DHX33: variants seen among roughly 807,000 people sequenced by gnomAD.
DHX33 encodes ATP-dependent RNA helicase DHX33.
A neutral mutation model predicts 72.5 loss-of-function variants in DHX33; 42 were observed. The observed-to-expected ratio is 0.58, with a 90% CI of 0.45 to 0.75. The LOEUF is 0.75. Among genes scored for constraint, DHX33 ranks in the 30% least tolerant of loss-of-function variants. DHX33 has a pLI of 0.00. For missense variants in DHX33, 842 were observed against 917.5 expected, an observed-to-expected ratio of 0.92 and a Z score of 1.06; for synonymous variants, 358 against 366.1, an observed-to-expected ratio of 0.98 and a Z score of 0.25.
intron 4 of DHX33, 54 bp downstream of exon 4, chr17:5,460,885 T>C: frequency 6.4e-7 from 1 of 1,563,666 alleles, no homozygotes; most frequent in Non-Finnish European, 8.7e-7. Flanking sequence ...ATGTTCTCAC[T>C]ACCAACTGCA....
At chr17:5,456,538 C>T (rs1371849881) in intron 4 of DHX33, among the ~76,000 whole-genome samples, 3 of 152,106 alleles carry the variant, frequency 2.0e-5, no homozygotes, top group Non-Finnish European at 4.4e-5. Flanking sequence ...ATAGTTCCAG[C>T]TGCTTGCCAC....
In DHX33 at chr17:5,450,285, C is replaced by A. The variant is rs373067235; in HGVS notation, c.1646G>T (p.Arg549Leu). The A allele has an allele frequency of 7.4e-6, 12 of 1,614,126 alleles. No individual in the cohort carries two copies. The highest frequency in any genetic ancestry group is 9.3e-6 in the Non-Finnish European group (11 of 1,180,022). ...PSRREEVQGV[R>L]KKFISSEGDH... ...CCCCTCGCTGGATATGAACTTCTTG[C>A]GGACCCCTTGCACTTCCTCTCGCCG... Residue 549 changes from arginine to leucine, a missense_variant, in exon 10 of 12, where the codon CGC (arginine) becomes CTC (leucine). Physicochemically the swap from Arg to Leu is moderately radical, Grantham distance 102. Coordinates refer to ENST00000225296, the MANE Select transcript of DHX33 (RefSeq NM_020162.4).
chr17:5,446,341 A>G (rs980879435), intron 11 of DHX33, among the ~76,000 whole-genome samples: 1 of 152,164 alleles, frequency 6.6e-6, no homozygotes. Flanking sequence ...CACCTCCAAG[A>G]AGCCCCAGAG....
Position 5,462,301 on chromosome 17 carries a change from GGGAAGTTTCCCTCATACTTTCAGA to G in DHX33, c.672_678+17del, listed in dbSNP as rs756826983. On this transcript the variant is annotated splice_donor_variant and splice_donor_5th_base_variant and coding_sequence_variant and intron_variant, in exon 3 of 12. Transcript: ENST00000225296. LOFTEE classifies it high-confidence loss of function. ...GGGGAAGTTTCCCTCATACTTTCAG[GGGAAGTTTCCCTCATACTTTCAGA>G]GGAAGTTTCCCGAGTTCCTTTCTCC... 2.9e-5 allele frequency: 46 copies of G among 1,606,726 alleles called. No homozygotes were observed. Among genetic ancestry groups the G allele is most frequent in the African/African-American group, 1.7e-4 (13 of 74,548 alleles).
chr17:5,461,254 C>G, intron 3 of DHX33, 145 bp from the exon 4 acceptor site: 1 of 697,528 alleles, frequency 1.4e-6, no homozygotes, highest in Non-Finnish European at 2.2e-6. Context: ...GCAGAACAGG[C>G]AGAGGAAAAC....
At chr17:5,467,601 G>A (rs1904929906) in intron 1 of DHX33, among the ~76,000 whole-genome samples, 1 of 152,128 alleles carries the variant, frequency 6.6e-6, no homozygotes, top group African/African-American at 2.4e-5. Flanking sequence ...CATGTTAAGG[G>A]ATAACCCCAC....
chr17:5,444,560 A>G lies in DHX33; in HGVS notation c.1816-47T>C, dbSNP rs200194506. 3.4e-5 allele frequency: 54 copies of G among 1,573,014 alleles called. No individual in the cohort carries two copies. The highest frequency in any genetic ancestry group is 6.7e-5 in the African/African-American group (5 of 74,540). On this transcript the variant is annotated intron_variant, in intron 11 of 11. Coordinates refer to ENST00000225296, the MANE Select transcript of DHX33 (RefSeq NM_020162.4). This position sits in a 1 kb window ranked among gnomAD's most constrained non-coding sequence, Gnocchi z 4.9. ...AATGGAGCCGACCCCACACGTAAAC[A>G]CTGGTCAGCACTACACAGCGTGTTG... is the stretch of plus-strand genomic sequence containing the variant.
At chr17:5,463,270 TAA>T (rs1488416732) in intron 2 of DHX33, among the ~76,000 whole-genome samples, 1 of 152,082 alleles carries the variant, frequency 6.6e-6, no homozygotes, top group Non-Finnish European at 1.5e-5. Flanking sequence ...ATAAGAGAGT[TAA>T]GAGAGGTTAC....
At chr17:5,455,056 T>C (rs1222144470) in intron 6 of DHX33, 104 bp downstream of exon 6, 25 of 1,045,334 alleles carry the variant, frequency 2.4e-5, no homozygotes. Flanking sequence ...CACCTGAATT[T>C]GTTAGTTACA....
At chr17:5,449,380 A>G (rs1469122110) in intron 10 of DHX33, among the ~76,000 whole-genome samples, 1 of 152,050 alleles carries the variant, frequency 6.6e-6, no homozygotes, top group Non-Finnish European at 1.5e-5. Context: ...AAAGGATATG[A>G]ACAGACACAG....
rs764990064 is a variant in DHX33, at chr17:5,444,534, G to C, written c.1816-21C>G. On this transcript the variant is annotated intron_variant, in intron 11 of 11. Transcript: ENST00000225296. The surrounding 1 kb of genome is among the most constrained non-coding windows in gnomAD (Gnocchi z 4.9). ...GACATCTGTTTCGGGAGAAAGCGAG[G>C]AATGGAGCCGACCCCACACGTAAAC... 1 of 1,604,912 alleles carries C rather than the reference G, an allele frequency of 6.2e-7. No individual in the cohort carries two copies. The highest frequency in any genetic ancestry group is 8.5e-7 in the Non-Finnish European group (1 of 1,175,298).
chr17:5,446,250 G>C (rs1916654586), intron 11 of DHX33, among the ~76,000 whole-genome samples: 1 of 152,138 alleles, frequency 6.6e-6, no homozygotes, highest in Non-Finnish European at 1.5e-5. Flanking sequence ...GCTGGGACTA[G>C]AGGCATAAGC....
chr17:5,455,839 C>T (rs147824174), intron 5 of DHX33, among the ~76,000 whole-genome samples, 158 bp downstream of exon 5: 47 of 152,326 alleles, frequency 3.1e-4, no homozygotes, highest in South Asian at 6.2e-4. Flanking sequence ...CGTGTGTCAC[C>T]GCGCATTTTA....
intron 2 of DHX33, among the ~76,000 whole-genome samples, chr17:5,463,011 G>A (rs1042676992): frequency 2.0e-5 from 3 of 152,070 alleles, no homozygotes; most frequent in Non-Finnish European, 2.9e-5. Context: ...GGTTGGAGGC[G>A]GAAGTTGCAG....
intron 1 of DHX33, among the ~76,000 whole-genome samples, chr17:5,465,847 C>T (rs554135816): frequency 1.3e-5 from 2 of 152,330 alleles, no homozygotes; most frequent in African/African-American, 4.8e-5. Flanking sequence ...ACCTGTCTCA[C>T]AGAAGTGGGG....
intron 8 of DHX33, among the ~76,000 whole-genome samples, chr17:5,452,375 C>T (rs999672543): frequency 9.9e-5 from 15 of 152,030 alleles, no homozygotes; most frequent in African/African-American, 1.7e-4. Flanking sequence ...TCCATCTATA[C>T]TAAAAAATAC....
intron 9 of DHX33, 124 bp downstream of exon 9, chr17:5,450,683 T>A: frequency 1.4e-6 from 2 of 1,410,846 alleles, no homozygotes; most frequent in Non-Finnish European, 1.9e-6. Flanking sequence ...ATTTGCAAAC[T>A]AGGGGTTGGT....
chr17:5,445,370 C>T (rs559782594), intron 11 of DHX33, among the ~76,000 whole-genome samples: 4 of 152,322 alleles, frequency 2.6e-5, no homozygotes, highest in South Asian at 2.1e-4. Context: ...TGAGCCACCG[C>T]GCCCGGCCTC....
chr17:5,467,581 C>A (rs1478103240), intron 1 of DHX33, among the ~76,000 whole-genome samples: 1 of 152,164 alleles, frequency 6.6e-6, no homozygotes, highest in African/African-American at 2.4e-5. Context: ...AACTCCTCCC[C>A]GACCAGAGAC....
Sources: gnomAD v4.1 joint callset for allele counts (sites outside exome capture counted in the v4.1 genomes callset) on GRCh38, gnomAD v4.1.1 for gene constraint, Gnocchi (gnomAD v3.1) non-coding constraint, MANE v1.5 for transcripts, NCBI Gene and HGNC (gene_info 2026-07-23, HGNC 2026-07-21) for gene names.